MTCL2: variants seen among roughly 807,000 people sequenced by gnomAD.
MTCL2 encodes the protein microtubule crosslinking factor 2.
the MTCL2 span, among the ~76,000 whole-genome samples, chr20:36,803,742 G>A: frequency 8.6e-5 from 13 of 151,962 alleles, no homozygotes; most frequent in Non-Finnish European, 1.9e-4. Context: ...GATCACTTGA[G>A]ATCAGAAGTT....
the MTCL2 span, chr20:36,803,205 G>A: frequency 1.4e-6 from 2 of 1,466,420 alleles, no homozygotes; most frequent in African/African-American, 2.8e-5. Context: ...GAAAAGGGGA[G>A]AGGTCCCCTC....
At chr20:36,787,885 GA>G in the MTCL2 span, among the ~76,000 whole-genome samples, 674 of 54,566 alleles carry the variant, frequency 0.012, 4 homozygotes, top group African/African-American at 0.019. Context: ...GACTCCATCT[GA>G]AAAAAAAAAA....
the MTCL2 span, chr20:36,777,721 G>A: frequency 2.4e-5 from 13 of 532,446 alleles, no homozygotes; most frequent in African/African-American, 1.4e-4. Flanking sequence ...GGTCCCCCAG[G>A]GCCCATGACT....
the MTCL2 span, among the ~76,000 whole-genome samples, chr20:36,811,585 G>A: frequency 2.7e-5 from 4 of 150,358 alleles, no homozygotes; most frequent in African/African-American, 7.4e-5. Flanking sequence ...AGCCAAGATC[G>A]CACTACTGCA....
At chr20:36,803,073 C>T in the MTCL2 span, 10 of 1,608,974 alleles carry the variant, frequency 6.2e-6, no homozygotes, top group South Asian at 2.2e-5. Flanking sequence ...GGGCCCTGCC[C>T]GCTCCCCGGC....
At chr20:36,863,051 C>G in the MTCL2 span, 1 of 1,411,328 alleles carries the variant, frequency 7.1e-7, no homozygotes, top group South Asian at 1.3e-5. The surrounding 1 kb of genome is among the most constrained non-coding windows in gnomAD (Gnocchi z 6.2). Flanking sequence ...GCGGACGGCC[C>G]TTGGCACGGA....
chr20:36,826,020 T>C, the MTCL2 span, among the ~76,000 whole-genome samples: 1 of 149,712 alleles, frequency 6.7e-6, no homozygotes, highest in Non-Finnish European at 1.5e-5. Context: ...TTTTTTTTTT[T>C]CTTTGAGACG....
chr20:36,795,269 T>G, the MTCL2 span, among the ~76,000 whole-genome samples: 1 of 152,096 alleles, frequency 6.6e-6, no homozygotes, highest in Non-Finnish European at 1.5e-5. Flanking sequence ...AAAAATTTTT[T>G]GTAGAGATGG....
the MTCL2 span, among the ~76,000 whole-genome samples, chr20:36,818,145 C>T: frequency 6.6e-6 from 1 of 152,270 alleles, no homozygotes; most frequent in Non-Finnish European, 1.5e-5. Flanking sequence ...CTCTGCCTCA[C>T]TCCCTGTGGT....
At chr20:36,802,828 G>A in the MTCL2 span, 1 of 1,571,162 alleles carries the variant, frequency 6.4e-7, no homozygotes, top group Non-Finnish European at 8.7e-7. Flanking sequence ...CTTGCGGGTG[G>A]AAGCGGCTTG....
the MTCL2 span, among the ~76,000 whole-genome samples, chr20:36,813,210 C>T: frequency 6.8e-6 from 1 of 146,580 alleles, no homozygotes; most frequent in Non-Finnish European, 1.5e-5. Flanking sequence ...AGTCTATGGG[C>T]ACAGTGGCAT....
At chr20:36,795,249 C>T in the MTCL2 span, among the ~76,000 whole-genome samples, 1 of 151,994 alleles carries the variant, frequency 6.6e-6, no homozygotes, top group Admixed American at 6.6e-5. Flanking sequence ...TAACACCTGG[C>T]TAATTTTTAA....
the MTCL2 span, among the ~76,000 whole-genome samples, chr20:36,813,375 G>A: frequency 1.1e-4 from 13 of 123,518 alleles, no homozygotes; most frequent in East Asian, 5.0e-4. Context: ...AGATGAAACC[G>A]GATCAACAGG....
At chr20:36,842,953 T>C in the MTCL2 span, among the ~76,000 whole-genome samples, 3 of 151,750 alleles carry the variant, frequency 2.0e-5, no homozygotes, top group East Asian at 1.9e-4. Context: ...ATTCCTCAGC[T>C]CTCCCTACCC....
the MTCL2 span, among the ~76,000 whole-genome samples, chr20:36,845,569 G>A: frequency 6.6e-6 from 1 of 152,380 alleles, no homozygotes; most frequent in East Asian, 1.9e-4. Flanking sequence ...GCAGGCTTGT[G>A]GCCCCAGGCT....
the MTCL2 span, chr20:36,784,632 C>T: frequency 2.0e-6 from 2 of 985,374 alleles, no homozygotes; most frequent in African/African-American, 1.7e-5. Flanking sequence ...AAAAGGGGTT[C>T]ACCGGCACCA....
At chr20:36,794,338 C>G in the MTCL2 span, 1 of 1,586,176 alleles carries the variant, frequency 6.3e-7, no homozygotes, top group Middle Eastern at 1.7e-4. The surrounding 1 kb of genome is among the most constrained non-coding windows in gnomAD (Gnocchi z 5.4). Flanking sequence ...CTCGGATGCC[C>G]GTCTTGTCAG....
the MTCL2 span, among the ~76,000 whole-genome samples, chr20:36,856,735 G>GT: frequency 6.6e-6 from 1 of 152,242 alleles, no homozygotes. Flanking sequence ...CCTTGTAGAA[G>GT]TAAGTCTAGT....
chr20:36,833,407 C>T, the MTCL2 span, among the ~76,000 whole-genome samples: 1 of 152,236 alleles, frequency 6.6e-6, no homozygotes, highest in East Asian at 1.9e-4. Context: ...TGCACTCAGC[C>T]ATGAGGTCAC....
Sources: allele counts gnomAD v4.1 joint callset (sites outside exome capture counted in the v4.1 genomes callset), GRCh38; gene constraint gnomAD v4.1.1; non-coding constraint Gnocchi (gnomAD v3.1); transcripts MANE v1.5; gene names NCBI Gene and HGNC (gene_info 2026-07-23, HGNC 2026-07-21).